The following SDK1 variants were observed in gnomAD, a reference collection of about 807,000 sequenced individuals.
SDK1 encodes sidekick cell adhesion molecule 1.
SDK1 carries 157 observed loss-of-function variants against 245.5 expected under a neutral mutation model. That is an observed-to-expected ratio of 0.64 (90% CI 0.56 to 0.73). The LOEUF (loss-of-function observed/expected upper bound fraction) is 0.73. Among genes scored for constraint, SDK1 ranks in the 30% least tolerant of loss-of-function variants. The pLI is 0.00. For synonymous variants in SDK1, 1,647 were observed against 1,278.5 expected (o/e 1.29, Z -6.15); for missense variants, 3,583 against 3,002.3 (o/e 1.19, Z -4.52).
chr7:3,823,673 T>G (rs1341443136), intron 5 of SDK1, among the ~76,000 whole-genome samples: 1 of 152,248 alleles, frequency 6.6e-6, no homozygotes, highest in Non-Finnish European at 1.5e-5. Context: ...TTTTGTTCCT[T>G]TGTATGTATT....
intron 25 of SDK1, among the ~76,000 whole-genome samples, chr7:4,116,348 G>T (rs1333952760): frequency 6.6e-6 from 1 of 152,156 alleles, no homozygotes; most frequent in Non-Finnish European, 1.5e-5. Context: ...CCGGGGTGAG[G>T]AGTCTGCACC....
In SDK1 at chr7:4,114,125, TG is replaced by T; in HGVS notation, c.3676del (p.Ala1226ProfsTer70). On this transcript the variant is annotated frameshift_variant, in exon 25 of 45. Coordinates refer to ENST00000404826, the MANE Select transcript of SDK1 (RefSeq NM_152744.4). LOFTEE classifies it high-confidence loss of function. ...CGCTCAGACCTCCAGTCCTCAGCAG[TG>T]GCCCAAGTCGTCAGTGACCGGCTGG... ...YWRSDLQSSA[V>X]AQVVSDRLER... 1 of 1,614,202 alleles carries T rather than the reference TG, an allele frequency of 6.2e-7. No individual in the cohort carries two copies. The highest frequency in any genetic ancestry group is 1.1e-5 in the South Asian group (1 of 91,088).
chr7:3,901,341 C>T (rs1248780422), intron 5 of SDK1, among the ~76,000 whole-genome samples: 3 of 152,254 alleles, frequency 2.0e-5, no homozygotes, highest in African/African-American at 7.2e-5. Flanking sequence ...CATGTGCCAC[C>T]ACGCCCGGTT....
rs1176061724 is a variant in SDK1, at chr7:3,659,817, A to G, written c.713+17712A>G. Among the ~76,000 whole-genome samples the G allele has an allele frequency of 3.9e-5, 6 of 152,358 alleles. No individual in the cohort carries two copies. The East Asian group carries it at 9.7e-4, about 25-fold the overall frequency. ...GGCAGCCCAGATGAAGACAGGGTGG[A>G]TGACGTGGAGAAAAGTGGATGAATG... On this transcript the variant is annotated intron_variant, in intron 4 of 44. Transcript: ENST00000404826.
chr7:4,063,774 C>T (rs1321314478), intron 19 of SDK1, among the ~76,000 whole-genome samples: 1 of 151,924 alleles, frequency 6.6e-6, no homozygotes, highest in Non-Finnish European at 1.5e-5. Context: ...TAACAACAGA[C>T]ACATAGACCA....
At chr7:4,075,228 TC>T (rs1780584593) in intron 20 of SDK1, among the ~76,000 whole-genome samples, 1 of 151,960 alleles carries the variant, frequency 6.6e-6, no homozygotes, top group African/African-American at 2.4e-5. Flanking sequence ...TCCTTGGAGC[TC>T]CCCACTGCGT....
chr7:4,253,686 G>A (rs963580309), intron 44 of SDK1, among the ~76,000 whole-genome samples: 8 of 152,124 alleles, frequency 5.3e-5, no homozygotes, highest in Non-Finnish European at 8.8e-5. Context: ...CTGTATGTAT[G>A]ATCTTCTTCC....
intron 4 of SDK1, among the ~76,000 whole-genome samples, chr7:3,712,461 A>G (rs977778508): frequency 4.6e-5 from 7 of 152,202 alleles, no homozygotes; most frequent in African/African-American, 1.7e-4. Context: ...ATTACAGTGT[A>G]ATAATAATAG....
At chr7:3,599,831 T>C (rs1781197876) in intron 1 of SDK1, among the ~76,000 whole-genome samples, 1 of 152,240 alleles carries the variant, frequency 6.6e-6, no homozygotes, top group South Asian at 2.1e-4. Context: ...CATACTGTCC[T>C]TATTACTGTA....
rs557067723 is a variant in SDK1, at chr7:4,206,846, G to C, written c.5214+852G>C. 2.6e-5 allele frequency among the ~76,000 whole-genome samples: 4 copies of C among 152,268 alleles called. No individual in the cohort carries two copies. The East Asian group carries it at 7.7e-4, about 29-fold the overall frequency. On this transcript the variant is annotated intron_variant, in intron 36 of 44. Transcript: ENST00000404826. ...GGCTAGCCTCCCCTAATGACTATTG[G>C]ACCGATTAAATGTCCATTTAAAGAT...
intron 19 of SDK1, among the ~76,000 whole-genome samples, chr7:4,054,491 G>A (rs1779083840): frequency 6.6e-6 from 1 of 152,152 alleles, no homozygotes; most frequent in East Asian, 1.9e-4. Context: ...ACATGTGTAG[G>A]TTTGTGTATC....
Position 4,075,250 on chromosome 7 carries a change from G to A in SDK1, c.3011-1748G>A, listed in dbSNP as rs571565335. On this transcript the variant is annotated intron_variant, in intron 20 of 44. Transcript: ENST00000404826. ...AGCTCCCCACTGCGTCCGCCCACAC[G>A]GGAGTCCCCTCAGCCCGCACACAGA... 7.9e-5 allele frequency among the ~76,000 whole-genome samples: 12 copies of A among 152,254 alleles called. No individual in the cohort carries two copies. In the East Asian group the frequency reaches 9.7e-4, roughly 12 times the overall value.
At chr7:3,603,549 C>G (rs1238482347) in intron 1 of SDK1, among the ~76,000 whole-genome samples, 2 of 151,966 alleles carry the variant, frequency 1.3e-5, no homozygotes, top group African/African-American at 4.8e-5. Context: ...TGAGACTTTG[C>G]TGAAGTTGCT....
At chr7:3,932,049 T>G (rs1779995083) in intron 5 of SDK1, among the ~76,000 whole-genome samples, 1 of 152,208 alleles carries the variant, frequency 6.6e-6, no homozygotes, top group Non-Finnish European at 1.5e-5. Flanking sequence ...TGCTGAGTAA[T>G]CATTGACCTG....
intron 14 of SDK1, among the ~76,000 whole-genome samples, chr7:3,999,242 C>G (rs1784896902): frequency 6.6e-6 from 1 of 152,164 alleles, no homozygotes; most frequent in African/African-American, 2.4e-5. Context: ...TCCCCATTCC[C>G]TTGGGTACAG....
chr7:3,636,021 T>C (rs1055674624), intron 2 of SDK1, among the ~76,000 whole-genome samples: 1 of 152,234 alleles, frequency 6.6e-6, no homozygotes, highest in African/African-American at 2.4e-5. Context: ...ATGTACCTTA[T>C]TCAACTGCAA....
chr7:3,554,722 T>C (rs992122004), intron 1 of SDK1, among the ~76,000 whole-genome samples: 1 of 152,130 alleles, frequency 6.6e-6, no homozygotes, highest in East Asian at 1.9e-4. Flanking sequence ...ATATAACTGA[T>C]AAACAAATTC....
chr7:3,902,462 T>C (rs753499699), intron 5 of SDK1, among the ~76,000 whole-genome samples: 10 of 152,238 alleles, frequency 6.6e-5, no homozygotes, highest in Non-Finnish European at 1.5e-4. Context: ...TCCTTCTGGT[T>C]CTTCTTGTGC....
chr7:3,610,527 G>A (rs760946719), intron 1 of SDK1, among the ~76,000 whole-genome samples: 10 of 152,148 alleles, frequency 6.6e-5, no homozygotes, highest in Non-Finnish European at 1.2e-4. Flanking sequence ...TTGGAGAAAC[G>A]GGAATTGTAT....
Sources: allele counts gnomAD v4.1 joint callset (sites outside exome capture counted in the v4.1 genomes callset), GRCh38; gene constraint gnomAD v4.1.1; transcripts MANE v1.5; gene names NCBI Gene and HGNC (gene_info 2026-07-23, HGNC 2026-07-21).